The following CPNE5 variants were observed in gnomAD, a reference collection of about 807,000 sequenced individuals.
The protein encoded by CPNE5 is copine 5.
A neutral mutation model predicts 81.1 loss-of-function variants in CPNE5; 42 were observed. The observed-to-expected ratio is 0.52, with a 90% CI of 0.40 to 0.67. The LOEUF is 0.67. Ranked by LOEUF, CPNE5 falls within the 30% of genes least tolerant of loss-of-function variation. The pLI is 0.00. For missense variants in CPNE5, 612 were observed against 815.5 expected (o/e 0.75, Z 3.04); for synonymous variants, 313 against 321.5 (o/e 0.97, Z 0.28).
At chr6:36,837,638 G>A (rs2150636757) in intron 1 of CPNE5, among the ~76,000 whole-genome samples, 1 of 152,306 alleles carries the variant, frequency 6.6e-6, no homozygotes, top group Non-Finnish European at 1.5e-5. Flanking sequence ...TTTGAGCTGT[G>A]TGTCTCATGG....
At position 36,742,038 on chromosome 6, in the gene CPNE5, G is replaced by A; in HGVS notation, c.*230C>T. The A allele has an allele frequency of 1.9e-6, 1 of 518,778 alleles. No individual in the cohort carries two copies. The highest frequency in any genetic ancestry group is 3.4e-6 in the Non-Finnish European group (1 of 292,006). The allele number at this position is 518,778 out of a possible 1,614,324, so 32.1% of individuals were successfully genotyped here. On this transcript the variant is annotated 3_prime_UTR_variant, in exon 21 of 21. Transcript: ENST00000244751. ...GTATTGGGGAAGAAGAGAAGGGCTG[G>A]GTCCCTGTGTACCCCTCTTTCACCC...
At chr6:36,777,278 G>A (rs958176037) in intron 9 of CPNE5, among the ~76,000 whole-genome samples, 2 of 150,884 alleles carry the variant, frequency 1.3e-5, no homozygotes, top group South Asian at 2.1e-4. Context: ...GCATTTCCAC[G>A]GCACAGCTCC....
At chr6:36,814,178 C>A (rs1771339364) in intron 3 of CPNE5, among the ~76,000 whole-genome samples, 1 of 152,064 alleles carries the variant, frequency 6.6e-6, no homozygotes, top group South Asian at 2.1e-4. Context: ...AACGGCCTAC[C>A]CCAAAGGTCA....
At chr6:36,817,217 C>T (rs916043929) in intron 3 of CPNE5, among the ~76,000 whole-genome samples, 3 of 151,972 alleles carry the variant, frequency 2.0e-5, no homozygotes, top group African/African-American at 4.8e-5. Context: ...CCCAGCTACT[C>T]GGGAGGCTGA....
Position 36,748,243 on chromosome 6 carries a change from G to A in CPNE5, c.996C>T (p.Ala332=), listed in dbSNP as rs770348459. The change falls in exon 15 of 21, where the codon GCC becomes GCT. Residue 332 remains alanine (A), a synonymous_variant. Transcript: ENST00000244751. ...KGGTQINFTV[A]IDFTASNGNP... is the part of the protein sequence containing the mutation. ...CACCATTGGAGGCAGTGAAATCAAT[G>A]GCCACAGTGAAGTTGATCTGGGTCC... is the stretch of plus-strand genomic sequence containing the variant. 4 of 1,614,156 alleles carry A rather than the reference G, an allele frequency of 2.5e-6. No homozygotes were observed.
At chr6:36,834,175 C>T (rs189113412) in intron 1 of CPNE5, among the ~76,000 whole-genome samples, 2 of 144,912 alleles carry the variant, frequency 1.4e-5, no homozygotes, top group African/African-American at 5.1e-5. Context: ...AGGAGGATCG[C>T]TTGAGCCCAG....
intron 1 of CPNE5, among the ~76,000 whole-genome samples, chr6:36,830,806 C>T (rs548352310): frequency 1.3e-4 from 20 of 152,256 alleles, no homozygotes; most frequent in East Asian, 5.8e-4. Flanking sequence ...CAAACAGAAA[C>T]GTAGGAAGCA....
intron 1 of CPNE5, among the ~76,000 whole-genome samples, chr6:36,836,792 C>T (rs545996190): frequency 6.4e-4 from 98 of 152,216 alleles, no homozygotes; most frequent in African/African-American, 2.2e-3. Context: ...AATAGTTGGG[C>T]CTGGCTGAGG....
intron 3 of CPNE5, among the ~76,000 whole-genome samples, chr6:36,811,309 C>T (rs999035345): frequency 2.6e-5 from 4 of 152,206 alleles, no homozygotes; most frequent in African/African-American, 4.8e-5. Context: ...AATGGCATCA[C>T]GATGTCTGAA....
At chr6:36,744,647 A>G (rs990890661) in intron 18 of CPNE5, 8 of 480,536 alleles carry the variant, frequency 1.7e-5, no homozygotes, top group African/African-American at 1.2e-4. Flanking sequence ...AGCTTCCCCA[A>G]CTCTGAGCCT....
chr6:36,760,052 C>CAAA (rs773932389), intron 12 of CPNE5, among the ~76,000 whole-genome samples: 10 of 124,076 alleles, frequency 8.1e-5, no homozygotes, highest in African/African-American at 3.0e-4. Flanking sequence ...ACCAAAAATG[C>CAAA]AAAAAAAAAA....
rs537459241 is a variant in CPNE5 at position 36,766,378 on chromosome 6, G to A, written c.738-1002C>T. 6.6e-6 allele frequency among the ~76,000 whole-genome samples: 1 copy of A among 152,280 alleles called. No homozygotes were observed. Among genetic ancestry groups the A allele is most frequent in the East Asian group, 1.9e-4 (1 of 5,190 alleles). On this transcript the variant is annotated intron_variant, in intron 10 of 20. Coordinates refer to ENST00000244751, the MANE Select transcript of CPNE5 (RefSeq NM_020939.2). The surrounding 1 kb of genome is among the most constrained non-coding windows in gnomAD (Gnocchi z 4.2). Reference sequence around the variant, plus strand: ...AGCATCCTCAGGACCAAGGGTAGGCGACAGATCCACCGCAGCAGGGCAGAA... The same window carrying A: ...AGCATCCTCAGGACCAAGGGTAGGCAACAGATCCACCGCAGCAGGGCAGAA...
intron 3 of CPNE5, among the ~76,000 whole-genome samples, chr6:36,810,799 C>T (rs1166727272): frequency 6.6e-6 from 1 of 152,188 alleles, no homozygotes; most frequent in Non-Finnish European, 1.5e-5. Flanking sequence ...TGGCACCTTT[C>T]GTTTCGTAGG....
chr6:36,748,180 C>G (rs1289474741), intron 15 of CPNE5, 41 bp downstream of exon 15: 2 of 1,598,232 alleles, frequency 1.3e-6, no homozygotes, highest in Non-Finnish European at 1.7e-6. Flanking sequence ...CTTAAAAGCT[C>G]TCTCCTCCCA....
At chr6:36,786,032 A>AG (rs1249766879) in intron 8 of CPNE5, among the ~76,000 whole-genome samples, 5 of 151,882 alleles carry the variant, frequency 3.3e-5, no homozygotes, top group Non-Finnish European at 7.4e-5. Flanking sequence ...AAAAAAAAAA[A>AG]AAATTTAAAA....
At chr6:36,808,335 C>A (rs533461190) in intron 3 of CPNE5, among the ~76,000 whole-genome samples, 9 of 152,186 alleles carry the variant, frequency 5.9e-5, no homozygotes, top group Admixed American at 1.3e-4. Context: ...AGGTAATCCA[C>A]CCCCAACCGT....
At chr6:36,757,552 A>G (rs759269744) in intron 12 of CPNE5, 11 of 156,698 alleles carry the variant, frequency 7.0e-5, no homozygotes, top group Middle Eastern at 6.5e-3. Context: ...GATAACAGAT[A>G]CAAACAGATC....
rs953501120 is a variant in CPNE5 at position 36,740,877 on chromosome 6, T to C, written c.*1391A>G. On this transcript the variant is annotated 3_prime_UTR_variant, in exon 21 of 21. Transcript: ENST00000244751. ...AGACACCGTAGAAACACCACCACCA[T>C]GCATGACGGGGAAGCAGAGGCAGGC... 13 of 152,678 alleles carry C rather than the reference T, an allele frequency of 8.5e-5. No homozygotes were observed. The highest frequency in any genetic ancestry group is 8.5e-4 in the Admixed American group (13 of 15,284). The allele number at this position is 152,678 out of a possible 1,614,324, so 9.5% of individuals were successfully genotyped here. A position where few individuals can be genotyped will look rare whatever the true frequency, so the allele number is the denominator to read the frequency against.
At chr6:36,837,496 C>T (rs977422342) in intron 1 of CPNE5, among the ~76,000 whole-genome samples, 3 of 152,170 alleles carry the variant, frequency 2.0e-5, no homozygotes, top group Admixed American at 2.0e-4. Flanking sequence ...CAAATGCTTA[C>T]ACAGTTGCTT....
Sources: gnomAD v4.1 joint callset for allele counts (sites outside exome capture counted in the v4.1 genomes callset) on GRCh38, gnomAD v4.1.1 for gene constraint, Gnocchi (gnomAD v3.1) non-coding constraint, MANE v1.5 for transcripts, NCBI Gene and HGNC (gene_info 2026-07-23, HGNC 2026-07-21) for gene names.